TMPRSS9: variants seen among roughly 807,000 people sequenced by gnomAD.
TMPRSS9 encodes transmembrane protease serine 9.
A neutral mutation model predicts 111.4 loss-of-function variants in TMPRSS9; 113 were observed. The ratio of observed to expected loss-of-function variants is 1.01; its 90% confidence interval spans 0.87 to 1.19. The LOEUF is 1.19. TMPRSS9 is among the 50% of genes most tolerant of loss of function. The pLI is 0.00. For missense variants in TMPRSS9, 1,803 were observed against 1,513.1 expected (o/e 1.19, Z -3.18); for synonymous variants, 805 against 659.1 (o/e 1.22, Z -3.39).
intron 15 of TMPRSS9, 35 bp downstream of exon 16, chr19:2,424,292 C>A (rs985635935): frequency 4.5e-6 from 6 of 1,319,850 alleles, no homozygotes; most frequent in Non-Finnish European, 5.8e-6. Context: ...CCCTACATGT[C>A]TCTGTAGCTC....
chr19:2,413,281 G>A (rs1166584436), intron 9 of TMPRSS9, among the ~76,000 whole-genome samples: 1 of 152,150 alleles, frequency 6.6e-6, no homozygotes, highest in African/African-American at 2.4e-5. Flanking sequence ...GGTGAGGCCG[G>A]ACGAGTGACA....
intron 1 of TMPRSS9, among the ~76,000 whole-genome samples, chr19:2,390,281 C>A (rs1463681939): frequency 2.2e-4 from 21 of 96,648 alleles, no homozygotes; most frequent in South Asian, 1.5e-3. Context: ...CTCTCTGTCG[C>A]CCAGGCTGGA....
At chr19:2,389,223 A>G (rs6510662), upstream of TMPRSS9, among the ~76,000 whole-genome samples, 84,191 of 146,652 alleles carry the variant, frequency 0.57, 24,135 homozygotes, top group Middle Eastern at 0.64. Context: ...ACAGGCGCCC[A>G]CCACCACGCC....
At chr19:2,387,618 A>G (rs1266769410), upstream of TMPRSS9, among the ~76,000 whole-genome samples, 5 of 152,042 alleles carry the variant, frequency 3.3e-5, no homozygotes, top group Non-Finnish European at 5.9e-5. Context: ...GTGGTGACGT[A>G]CACCTGTGGT....
At chr19:2,410,875 A>T (rs568477751) in intron 9 of TMPRSS9, among the ~76,000 whole-genome samples, 1 of 152,258 alleles carries the variant, frequency 6.6e-6, no homozygotes, top group African/African-American at 2.4e-5. Context: ...CTCTTGTATG[A>T]ATGATGCCAG....
exon 16 of TMPRSS9, chr19:2,425,188 C>T (rs1260091728): frequency 6.5e-7 from 1 of 1,541,586 alleles, no homozygotes; most frequent in East Asian, 2.4e-5. Flanking sequence ...TGCGTCCCAT[C>T]TGCCTGCCCG....
intron 1 of TMPRSS9, among the ~76,000 whole-genome samples, chr19:2,391,768 C>A (rs1312089842): frequency 2.0e-5 from 3 of 147,278 alleles, no homozygotes; most frequent in African/African-American, 7.6e-5. Context: ...GATGGAGTCT[C>A]ACTCTGTCTC....
At chr19:2,373,061 G>A (rs1235143357) in intron 1 of TMPRSS9, among the ~76,000 whole-genome samples, 1 of 151,944 alleles carries the variant, frequency 6.6e-6, no homozygotes, top group African/African-American at 2.4e-5. Flanking sequence ...CTCAACCCCT[G>A]GCCTCAAGTG....
At chr19:2,416,210 C>T in intron 11 of TMPRSS9, 1 of 437,822 alleles carries the variant, frequency 2.3e-6, no homozygotes. Flanking sequence ...TGCACTCCAT[C>T]TGGGGCAACA....
intron 6 of TMPRSS9, among the ~76,000 whole-genome samples, chr19:2,403,917 C>T (rs1203361714): frequency 3.4e-5 from 5 of 148,398 alleles, no homozygotes; most frequent in South Asian, 2.1e-4. Context: ...GGCGTGAACC[C>T]GGGAGGTGGA....
chr19:2,404,171 A>G (rs1327741580), intron 6 of TMPRSS9, among the ~76,000 whole-genome samples: 1 of 152,126 alleles, frequency 6.6e-6, no homozygotes, highest in East Asian at 1.9e-4. Flanking sequence ...CCTTGTCTCA[A>G]AAATAAATAA....
chr19:2,360,582 G>C (rs1970186501), intron 1 of TMPRSS9, among the ~76,000 whole-genome samples: 1 of 152,200 alleles, frequency 6.6e-6, no homozygotes, highest in Non-Finnish European at 1.5e-5. Flanking sequence ...ACATGGCCAG[G>C]TTGTGTAGAT....
At chr19:2,405,524 C>G in exon 7 of TMPRSS9, 1 of 1,584,088 alleles carries the variant, frequency 6.3e-7, no homozygotes, top group South Asian at 1.1e-5. Context: ...TGGCTGGTGT[C>G]TGCTGCTCAC....
chr19:2,416,448 CT>C, intron 11 of TMPRSS9, 89 bp from the exon 13 acceptor site: 1 of 1,504,042 alleles, frequency 6.6e-7, no homozygotes, highest in Middle Eastern at 2.4e-4. Context: ...CCCTGTGTGG[CT>C]TCCTGGGGGT....
At chr19:2,391,051 G>A (rs1970579746) in intron 1 of TMPRSS9, among the ~76,000 whole-genome samples, 1 of 148,892 alleles carries the variant, frequency 6.7e-6, no homozygotes, top group African/African-American at 2.5e-5. Flanking sequence ...GAGGGAGGGA[G>A]GGAGGCAGGC....
chr19:2,394,861 G>A (rs1282054891), intron 1 of TMPRSS9, among the ~76,000 whole-genome samples: 1 of 152,100 alleles, frequency 6.6e-6, no homozygotes, highest in East Asian at 1.9e-4. Context: ...CATGGTTTCT[G>A]TGGTTGCTCT....
chr19:2,379,619 T>C (rs893591185), intron 1 of TMPRSS9, among the ~76,000 whole-genome samples: 13 of 106,764 alleles, frequency 1.2e-4, no homozygotes, highest in African/African-American at 2.7e-4. Flanking sequence ...TTCTTTCTCT[T>C]TCTTTCTTTC....
At position 2,366,623 on chromosome 19, in the gene TMPRSS9, T is replaced by C. The variant is rs1034461888; in HGVS notation, c.-26+6263T>C. Among the ~76,000 whole-genome samples the C allele has an allele frequency of 2.6e-4, 39 of 151,068 alleles. 1 individual carries two copies. Among genetic ancestry groups the C allele is most frequent in the African/African-American group, 8.3e-4 (34 of 41,094 alleles). ...CTGTAATCCCAGCACTTTGGGAGGC[T>C]GAGGAGGGCAGATCACAAGGTCAGG... On this transcript the variant is annotated intron_variant, in intron 1 of 17. Coordinates refer to the TMPRSS9 transcript ENST00000649857.
At chr19:2,398,021 G>A (rs1599292820) in intron 2 of TMPRSS9, among the ~76,000 whole-genome samples, 1 of 148,814 alleles carries the variant, frequency 6.7e-6, no homozygotes, top group Admixed American at 6.7e-5. Context: ...GTAGCTGGGA[G>A]TGCAGGCACA....
Sources: gnomAD v4.1 joint callset for allele counts (sites outside exome capture counted in the v4.1 genomes callset) on GRCh38, gnomAD v4.1.1 for gene constraint, MANE v1.5 for transcripts, NCBI Gene and HGNC (gene_info 2026-07-23, HGNC 2026-07-21) for gene names.